The following ASIC2 variants were observed in gnomAD, a reference collection of about 807,000 sequenced individuals.
ASIC2 encodes acid-sensing ion channel 2.
Under a neutral mutation model 57.3 loss-of-function variants are expected in ASIC2, and 25 were observed. The observed-to-expected ratio is 0.44, with a 90% CI of 0.32 to 0.61. The LOEUF is 0.61. Ranked by LOEUF, ASIC2 falls within the 20% of genes least tolerant of loss-of-function variation. ASIC2 has a pLI of 0.06. For synonymous variants in ASIC2, 319 were observed against 307.5 expected, an observed-to-expected ratio of 1.04 and a Z score of -0.39; for missense variants, 641 against 738.1, an observed-to-expected ratio of 0.87 and a Z score of 1.52.
intron 1 of ASIC2, among the ~76,000 whole-genome samples, chr17:33,867,496 T>C (rs1210647523): frequency 6.6e-6 from 1 of 152,212 alleles, no homozygotes; most frequent in Non-Finnish European, 1.5e-5. Flanking sequence ...ATCATCTCCA[T>C]CCAATTCCAA....
At chr17:33,718,690 G>A (rs1037586583) in intron 1 of ASIC2, among the ~76,000 whole-genome samples, 8 of 152,150 alleles carry the variant, frequency 5.3e-5, no homozygotes, top group African/African-American at 1.9e-4. Context: ...AAAGCCTTGG[G>A]ACTCCTGTTC....
chr17:33,432,631 A>G (rs1911458948), intron 1 of ASIC2, among the ~76,000 whole-genome samples: 1 of 152,214 alleles, frequency 6.6e-6, no homozygotes, highest in South Asian at 2.1e-4. Flanking sequence ...TATATAATGC[A>G]TATAACATAC....
intron 1 of ASIC2, among the ~76,000 whole-genome samples, chr17:34,129,544 A>C (rs562206603): frequency 1.3e-5 from 2 of 152,318 alleles, no homozygotes; most frequent in South Asian, 2.1e-4. Context: ...AATAATTCCC[A>C]AAATTATTCT....
At chr17:33,170,267 G>C (rs1905460148) in intron 1 of ASIC2, among the ~76,000 whole-genome samples, 1 of 152,140 alleles carries the variant, frequency 6.6e-6, no homozygotes, top group South Asian at 2.1e-4. Context: ...GATTCACAAA[G>C]ACTCAACACT....
At chr17:33,932,023 A>T (rs1915942257) in intron 1 of ASIC2, among the ~76,000 whole-genome samples, 1 of 152,110 alleles carries the variant, frequency 6.6e-6, no homozygotes, top group Non-Finnish European at 1.5e-5. Context: ...GGCTCAATTT[A>T]TATCCTCTCT....
intron 2 of ASIC2, among the ~76,000 whole-genome samples, chr17:33,097,163 T>C (rs2092184735): frequency 6.6e-6 from 1 of 152,206 alleles, no homozygotes; most frequent in Non-Finnish European, 1.5e-5. Flanking sequence ...ACTGACCACA[T>C]TCTTCATTGG....
chr17:33,433,548 G>T (rs1284372760), intron 1 of ASIC2, among the ~76,000 whole-genome samples: 1 of 152,176 alleles, frequency 6.6e-6, no homozygotes, highest in Admixed American at 6.5e-5. Flanking sequence ...TTGAGGTCAG[G>T]AGTTCAAGAC....
chr17:33,301,277 A>T (rs891270852), intron 1 of ASIC2, among the ~76,000 whole-genome samples: 4 of 151,798 alleles, frequency 2.6e-5, no homozygotes, highest in Admixed American at 2.6e-4. Flanking sequence ...CTGAGTTCAA[A>T]CAATCCTCCT....
intron 1 of ASIC2, among the ~76,000 whole-genome samples, chr17:33,643,648 A>T (rs565365662): frequency 6.6e-6 from 1 of 152,346 alleles, no homozygotes; most frequent in African/African-American, 2.4e-5. Flanking sequence ...ACCTCTTTCT[A>T]TACTAGCTCC....
intron 1 of ASIC2, among the ~76,000 whole-genome samples, chr17:33,477,038 A>G (rs1913252738): frequency 6.6e-6 from 1 of 152,216 alleles, no homozygotes; most frequent in South Asian, 2.1e-4. Context: ...TATACTATGT[A>G]TACTATACAT....
At chr17:33,054,286 G>A (rs1247136533) in intron 3 of ASIC2, among the ~76,000 whole-genome samples, 2 of 152,096 alleles carry the variant, frequency 1.3e-5, no homozygotes, top group Non-Finnish European at 2.9e-5. Context: ...CTTTCCCAGG[G>A]CTGGCCCAAA....
At chr17:34,072,456 G>T (rs1426137489) in intron 1 of ASIC2, 1 of 152,214 alleles carries the variant, frequency 6.6e-6, no homozygotes, top group East Asian at 1.9e-4. Context: ...GGTACAGTTA[G>T]AACGTGGCAA....
intron 1 of ASIC2, among the ~76,000 whole-genome samples, chr17:33,333,954 C>G (rs1474109625): frequency 3.3e-5 from 5 of 152,212 alleles, no homozygotes. Context: ...GAAGATGCCT[C>G]TTCAGTGGTG....
intron 1 of ASIC2, among the ~76,000 whole-genome samples, chr17:33,427,160 G>A (rs79555784): frequency 0.016 from 2,437 of 152,264 alleles, 64 homozygotes; most frequent in East Asian, 0.096. Context: ...ACTTACCCCC[G>A]TGATTGTTGG....
At chr17:34,132,416 G>A (rs536006389) in intron 1 of ASIC2, among the ~76,000 whole-genome samples, 1 of 152,268 alleles carries the variant, frequency 6.6e-6, no homozygotes, top group Non-Finnish European at 1.5e-5. Flanking sequence ...TGCGAGCCGG[G>A]TGGAGGCCAG....
chr17:33,360,942 G>A (rs115340158), intron 1 of ASIC2, among the ~76,000 whole-genome samples: 85 of 152,300 alleles, frequency 5.6e-4, no homozygotes, highest in African/African-American at 1.9e-3. Flanking sequence ...TCTCAGCATT[G>A]TTCCAAAACC....
At chr17:34,119,946 T>G (rs1310576393) in intron 1 of ASIC2, 1 of 152,230 alleles carries the variant, frequency 6.6e-6, no homozygotes, top group Non-Finnish European at 1.5e-5. Context: ...AACCCCTCAT[T>G]CCACCTGTTT....
At chr17:33,769,975 G>T (rs925281454) in intron 1 of ASIC2, among the ~76,000 whole-genome samples, 5 of 152,242 alleles carry the variant, frequency 3.3e-5, no homozygotes, top group Admixed American at 2.0e-4. Context: ...GTTGGGGATT[G>T]GGTTTCAACT....
chr17:33,492,892 G>A (rs751721459), intron 1 of ASIC2, among the ~76,000 whole-genome samples: 9 of 152,328 alleles, frequency 5.9e-5, no homozygotes, highest in Middle Eastern at 3.4e-3. Flanking sequence ...CATAGCCTGC[G>A]TGGATGTGGG....
Sources: allele counts gnomAD v4.1 joint callset (sites outside exome capture counted in the v4.1 genomes callset), GRCh38; gene constraint gnomAD v4.1.1; transcripts MANE v1.5; gene names NCBI Gene and HGNC (gene_info 2026-07-23, HGNC 2026-07-21).